The following FASTKD1 variants were observed in gnomAD, a reference collection of about 807,000 sequenced individuals.
The protein encoded by FASTKD1 is FAST kinase domain-containing protein 1, mitochondrial.
A neutral mutation model predicts 90.9 loss-of-function variants in FASTKD1; 94 were observed. That is an observed-to-expected ratio of 1.03 (90% CI 0.88 to 1.23). The LOEUF (loss-of-function observed/expected upper bound fraction) is 1.23. FASTKD1 is among the 50% of genes most tolerant of loss of function. The pLI is 0.00. For missense variants in FASTKD1, 945 were observed against 993.5 expected (o/e 0.95, Z 0.66); for synonymous variants, 319 against 345.8 (o/e 0.92, Z 0.86).
intron 4 of FASTKD1, among the ~76,000 whole-genome samples, chr2:169,562,018 A>T: frequency 9.2e-6 from 1 of 109,150 alleles, no homozygotes; most frequent in African/African-American, 3.1e-5. Context: ...AATTTATTGT[A>T]AATTAATTAT....
At chr2:169,531,174 C>G in intron 13 of FASTKD1, 178 bp downstream of exon 13, 4 of 781,172 alleles carry the variant, frequency 5.1e-6, no homozygotes, top group Non-Finnish European at 9.3e-6. Context: ...AGGCTTTGGA[C>G]AGAAGAAGGG....
chr2:169,560,839 C>CTTTTT (rs1204635514), intron 4 of FASTKD1, 54 bp from the exon 5 acceptor site: 42 of 249,066 alleles, frequency 1.7e-4, no homozygotes, highest in African/African-American at 5.3e-4. Context: ...ATGATCAATT[C>CTTTTT]TTTTTTTTTT....
intron 12 of FASTKD1, among the ~76,000 whole-genome samples, chr2:169,532,751 G>A (rs1325929371): frequency 6.8e-6 from 1 of 146,200 alleles, no homozygotes; most frequent in Non-Finnish European, 1.5e-5. Flanking sequence ...AACCAACCAA[G>A]TGGAATGTTA....
intron 6 of FASTKD1, 141 bp from the exon 7 acceptor site, chr2:169,555,396 C>T (rs970936509): frequency 3.0e-6 from 2 of 669,420 alleles, no homozygotes; most frequent in Non-Finnish European, 5.0e-6. Context: ...GAAGAAATGT[C>T]TCAAGGTGGC....
chr2:169,532,585 G>A (rs1258824630), intron 12 of FASTKD1, among the ~76,000 whole-genome samples: 2 of 151,180 alleles, frequency 1.3e-5, no homozygotes, highest in Non-Finnish European at 1.5e-5. Context: ...GCAAACCCAG[G>A]TTTACAGTAA....
chr2:169,542,644 C>A (rs975890198), intron 9 of FASTKD1, among the ~76,000 whole-genome samples: 1 of 152,116 alleles, frequency 6.6e-6, no homozygotes, highest in African/African-American at 2.4e-5. Context: ...GTGGGAGGAC[C>A]GCTTGAGCCC....
At chr2:169,548,027 A>G (rs1481363964) in intron 7 of FASTKD1, among the ~76,000 whole-genome samples, 1 of 150,778 alleles carries the variant, frequency 6.6e-6, no homozygotes, top group East Asian at 1.9e-4. Flanking sequence ...AAACAAAAAG[A>G]AAAGAAAAGA....
chr2:169,543,181 T>C (rs1685032399), intron 9 of FASTKD1, among the ~76,000 whole-genome samples: 1 of 152,112 alleles, frequency 6.6e-6, no homozygotes, highest in Admixed American at 6.6e-5. Context: ...AAAAAAGTTA[T>C]AGCCAGGCAC....
chr2:169,551,037 A>G (rs142406988), intron 7 of FASTKD1, among the ~76,000 whole-genome samples: 181 of 152,332 alleles, frequency 1.2e-3, no homozygotes, highest in Non-Finnish European at 1.6e-3. Context: ...ATATTTGCGT[A>G]TATTTATTTA....
intron 3 of FASTKD1, among the ~76,000 whole-genome samples, chr2:169,567,963 TATAA>T (rs1242259799): frequency 2.6e-5 from 4 of 152,216 alleles, no homozygotes; most frequent in Admixed American, 6.5e-5. Flanking sequence ...TCAGCCCTTT[TATAA>T]ATAAAGAGCT....
At chr2:169,555,337 G>A (rs940906882) in intron 6 of FASTKD1, 82 bp from the exon 7 acceptor site, 10 of 1,179,498 alleles carry the variant, frequency 8.5e-6, no homozygotes, top group Admixed American at 4.6e-5. Context: ...CAGACACTCC[G>A]TTCTGTGCTG....
chr2:169,545,776 C>T (rs886480154), intron 8 of FASTKD1, among the ~76,000 whole-genome samples: 1 of 152,192 alleles, frequency 6.6e-6, no homozygotes, highest in Non-Finnish European at 1.5e-5. Context: ...CATTCATACT[C>T]CACTGTCCTA....
In FASTKD1 at chr2:169,563,224, C is replaced by T. The variant is rs1236192552; in HGVS notation, c.572+1G>A. The T allele has an allele frequency of 1.2e-6, 2 of 1,609,216 alleles. No homozygotes were observed. The highest frequency in any genetic ancestry group is 1.3e-5 in the African/African-American group (1 of 74,686). ...ACACAAGATTCCCTAAATAAATTTA[C>T]CTTAAGTCCTGTGTGGTTTCCAAGT... On this transcript the variant is annotated splice_donor_variant, in intron 4 of 14. Coordinates refer to ENST00000453153, the MANE Select transcript of FASTKD1 (RefSeq NM_024622.6). LOFTEE classifies it high-confidence loss of function.
At chr2:169,561,947 T>A (rs1040555084) in intron 4 of FASTKD1, among the ~76,000 whole-genome samples, 1 of 132,818 alleles carries the variant, frequency 7.5e-6, no homozygotes, top group African/African-American at 2.8e-5. Flanking sequence ...TTATTATAAA[T>A]TAATTATTAA....
intron 9 of FASTKD1, 82 bp from the exon 10 acceptor site, chr2:169,540,261 T>A: frequency 3.0e-6 from 4 of 1,320,926 alleles, no homozygotes; most frequent in Non-Finnish European, 3.0e-6. Flanking sequence ...CAAACCCAGG[T>A]TTTTAAAAAA....
intron 7 of FASTKD1, among the ~76,000 whole-genome samples, chr2:169,549,648 G>C (rs1360896176): frequency 1.3e-5 from 2 of 151,716 alleles, no homozygotes; most frequent in Non-Finnish European, 2.9e-5. Context: ...GTTTTTTGTT[G>C]TGGAGACAGG....
At position 169,573,836 on chromosome 2, in the gene FASTKD1, C is replaced by A. The variant is rs1036072891; in HGVS notation, c.-310G>T. 2 of 152,358 alleles carry A rather than the reference C, an allele frequency of 1.3e-5. No homozygotes were observed. Among genetic ancestry groups the A allele is most frequent in the East Asian group, 1.9e-4 (1 of 5,182 alleles). 9.4% of individuals were successfully genotyped at this position (152,358 alleles called of 1,614,324 possible). ...ATAACCTTTCTTCGAGAGACATGACCTTTCCCATGAGACCTTGCCCCCAAA... is the reference window on the plus strand; with the variant it reads ...ATAACCTTTCTTCGAGAGACATGACATTTCCCATGAGACCTTGCCCCCAAA... On this transcript the variant is annotated 5_prime_UTR_variant, in exon 1 of 15. It adds an upstream start codon to the 5' untranslated region. Coordinates refer to ENST00000453153, the MANE Select transcript of FASTKD1 (RefSeq NM_024622.6).
intron 9 of FASTKD1, among the ~76,000 whole-genome samples, chr2:169,543,965 C>T (rs997280392): frequency 6.6e-6 from 1 of 152,124 alleles, no homozygotes; most frequent in Non-Finnish European, 1.5e-5. Context: ...CTTAGGGAGA[C>T]TGAAACATGA....
intron 3 of FASTKD1, among the ~76,000 whole-genome samples, chr2:169,568,628 TAAAAAAAAAAAAAAA>T (rs10618482): frequency 9.6e-5 from 4 of 41,506 alleles, no homozygotes; most frequent in Non-Finnish European, 2.0e-4. Context: ...CCCTGTCCAT[TAAAAAAAAAAAAAAA>T]AAAAAAAAAA....
Sources: gnomAD v4.1 joint callset for allele counts (sites outside exome capture counted in the v4.1 genomes callset) on GRCh38, gnomAD v4.1.1 for gene constraint, MANE v1.5 for transcripts, NCBI Gene and HGNC (gene_info 2026-07-23, HGNC 2026-07-21) for gene names.